Variants in MGAT4A observed in about 807,000 individuals in gnomAD.
MGAT4A encodes alpha-1,3-mannosyl-glycoprotein 4-beta-N-acetylglucosaminyltransferase A, also known as N-acetylglucosaminyltransferase IVa.
MGAT4A carries 33 observed loss-of-function variants against 74.1 expected under a neutral mutation model. The ratio of observed to expected loss-of-function variants is 0.45; its 90% CI spans 0.34 to 0.60. The LOEUF is 0.60. Ranked by LOEUF, MGAT4A falls within the 20% of genes least tolerant of loss-of-function variation. The pLI is 0.02. For synonymous variants in MGAT4A, 198 were observed against 210.4 expected, an observed-to-expected ratio of 0.94 and a Z score of 0.51; for missense variants, 479 against 628.3, an observed-to-expected ratio of 0.76 and a Z score of 2.54.
intron 10 of MGAT4A, 27 bp downstream of exon 10, chr2:98,643,896 C>T (rs749080196): frequency 2.0e-5 from 30 of 1,475,020 alleles, no homozygotes; most frequent in Non-Finnish European, 2.6e-5. Context: ...GTGAAACTCC[C>T]TCCACTCTGG....
chr2:98,711,033 C>G (rs1702510692), intron 2 of MGAT4A, among the ~76,000 whole-genome samples: 1 of 151,800 alleles, frequency 6.6e-6, no homozygotes, highest in African/African-American at 2.4e-5. Context: ...AACCAAGATG[C>G]TAGACTAGAC....
chr2:98,702,063 C>T (rs1051168763), intron 2 of MGAT4A, among the ~76,000 whole-genome samples: 3 of 152,152 alleles, frequency 2.0e-5, no homozygotes, highest in Admixed American at 2.0e-4. Flanking sequence ...CTAGTTGGTG[C>T]TCTGGAAAGC....
At position 98,675,159 on chromosome 2, in the gene MGAT4A, C is replaced by A. The variant is rs1266498322; in HGVS notation, c.279G>T (p.Leu93=). The A allele has an allele frequency of 6.2e-7, 1 of 1,601,132 alleles. No homozygotes were observed. Among genetic ancestry groups the A allele is most frequent in the African/African-American group, 1.3e-5 (1 of 74,502 alleles). ...LNKFSDNTLK[L]LKELTSKKSL... ...ATTTTTTGCTTGTTAACTCCTTTAA[C>A]AGCTTTAGGGTATTATCTGAAACAC... The change falls in exon 4 of 16, where the codon CTG becomes CTT. Residue 93 remains leucine, a synonymous_variant. Coordinates refer to ENST00000393487, the MANE Select transcript of MGAT4A (RefSeq NM_012214.3).
At chr2:98,727,397 G>A (rs1702782074) in intron 1 of MGAT4A, among the ~76,000 whole-genome samples, 1 of 152,202 alleles carries the variant, frequency 6.6e-6, no homozygotes, top group African/African-American at 2.4e-5. Flanking sequence ...ACAGCATTCA[G>A]CATATAATAG....
chr2:98,689,811 A>C (rs1040038410), intron 2 of MGAT4A, among the ~76,000 whole-genome samples: 7 of 152,190 alleles, frequency 4.6e-5, no homozygotes, highest in Non-Finnish European at 1.0e-4. Context: ...CAACACAGTG[A>C]GACCCTGTCT....
chr2:98,684,298 A>G (rs1702100337), intron 2 of MGAT4A, among the ~76,000 whole-genome samples: 1 of 152,222 alleles, frequency 6.6e-6, no homozygotes, highest in South Asian at 2.1e-4. Flanking sequence ...ATCGGTTTGT[A>G]TGAGGGGTCA....
At chr2:98,730,613 TC>T (rs1317325576) in intron 1 of MGAT4A, among the ~76,000 whole-genome samples, 1 of 145,324 alleles carries the variant, frequency 6.9e-6, no homozygotes, top group Admixed American at 6.8e-5. Flanking sequence ...CAGGCAGCTG[TC>T]CCTCCCCCTC....
chr2:98,631,457 A>G (rs1442792543), intron 14 of MGAT4A, among the ~76,000 whole-genome samples: 2 of 152,028 alleles, frequency 1.3e-5, no homozygotes, highest in Admixed American at 6.6e-5. Flanking sequence ...ATTTCCCAAG[A>G]CCACCCTGGC....
At chr2:98,632,512 T>C (rs1057376476) in intron 14 of MGAT4A, among the ~76,000 whole-genome samples, 12 of 152,236 alleles carry the variant, frequency 7.9e-5, no homozygotes, top group African/African-American at 2.4e-4. Context: ...ACATCTCTAA[T>C]TGCTTAACAC....
chr2:98,632,404 G>A (rs1274876353), intron 14 of MGAT4A, among the ~76,000 whole-genome samples: 1 of 152,182 alleles, frequency 6.6e-6, no homozygotes, highest in African/African-American at 2.4e-5. Flanking sequence ...CTCAACAGCA[G>A]CTTGTTTGCA....
chr2:98,634,864 T>A (rs1413526629), intron 14 of MGAT4A, among the ~76,000 whole-genome samples: 2 of 151,648 alleles, frequency 1.3e-5, no homozygotes, highest in African/African-American at 2.4e-5. Context: ...AACACAGATG[T>A]GACGCTGGGG....
chr2:98,709,864 T>G (rs979863599), intron 2 of MGAT4A, among the ~76,000 whole-genome samples: 2 of 152,152 alleles, frequency 1.3e-5, no homozygotes, highest in Non-Finnish European at 2.9e-5. Context: ...CCACAACACT[T>G]TTCACATTCT....
intron 2 of MGAT4A, among the ~76,000 whole-genome samples, chr2:98,691,396 C>A (rs1254632531): frequency 6.6e-6 from 1 of 151,720 alleles, no homozygotes; most frequent in African/African-American, 2.4e-5. Context: ...GCCATGCTCA[C>A]ACCACTGCAC....
rs1323677360 is a variant in MGAT4A at position 98,622,311 on chromosome 2, G to C, written c.*3255C>G. ...AAAAGTTCTGCATCCGTGGTGTCAA[G>C]TGTGGTGGCCACTAGCTCCACATGG... On this transcript the variant is annotated 3_prime_UTR_variant, in exon 16 of 16. Transcript: ENST00000393487. 1 of 985,340 alleles carries C rather than the reference G, an allele frequency of 1.0e-6. No individual in the cohort carries two copies. Among genetic ancestry groups the C allele is most frequent in the Non-Finnish European group, 1.2e-6 (1 of 829,958 alleles). 61.0% of individuals were successfully genotyped at this position (985,340 alleles called of 1,614,324 possible). A position where few individuals can be genotyped will look rare whatever the true frequency, so the allele number is the denominator to read the frequency against.
At chr2:98,691,129 C>T (rs1364143849) in intron 2 of MGAT4A, among the ~76,000 whole-genome samples, 1 of 152,108 alleles carries the variant, frequency 6.6e-6, no homozygotes, top group Non-Finnish European at 1.5e-5. Context: ...AAAGTACAGT[C>T]CTGCCCCATA....
chr2:98,673,519 T>A (rs1358034936), intron 4 of MGAT4A, among the ~76,000 whole-genome samples: 1 of 152,178 alleles, frequency 6.6e-6, no homozygotes, highest in Non-Finnish European at 1.5e-5. Context: ...TTATTTTTTC[T>A]ACCAAGCTGT....
intron 1 of MGAT4A, among the ~76,000 whole-genome samples, chr2:98,729,786 G>A (rs1702818504): frequency 6.6e-6 from 1 of 152,170 alleles, no homozygotes; most frequent in Non-Finnish European, 1.5e-5. Context: ...CCCACAGACA[G>A]GGTAGAGGTG....
intron 2 of MGAT4A, among the ~76,000 whole-genome samples, chr2:98,688,933 C>T (rs1434422624): frequency 1.3e-5 from 2 of 151,994 alleles, no homozygotes; most frequent in African/African-American, 4.8e-5. Context: ...CTCAGTGAGC[C>T]TATTTTTTCT....
chr2:98,686,528 G>GGTTTTTTTTTGGTTTTTTGGT (rs1702133116), intron 2 of MGAT4A, among the ~76,000 whole-genome samples: 1 of 151,658 alleles, frequency 6.6e-6, no homozygotes, highest in Non-Finnish European at 1.5e-5. Context: ...CTATAACACA[G>GGTTTTTTTTTGGTTTTTTGGT]GTTTTTTTTT....
Sources: gnomAD v4.1 joint callset for allele counts (sites outside exome capture counted in the v4.1 genomes callset) on GRCh38, gnomAD v4.1.1 for gene constraint, MANE v1.5 for transcripts, NCBI Gene and HGNC (gene_info 2026-07-23, HGNC 2026-07-21) for gene names.